MYO5B: variants seen among roughly 807,000 people sequenced by gnomAD.
MYO5B encodes the protein myosin VB.
In MYO5B, 143 loss-of-function variants were observed where a neutral mutation model predicts 229.3. That is an observed-to-expected ratio of 0.62 (90% confidence interval 0.54 to 0.72). The LOEUF (loss-of-function observed/expected upper bound fraction) is 0.72. Ranked by LOEUF, MYO5B falls within the 30% of genes least tolerant of loss-of-function variation. The pLI is 0.00. For missense variants in MYO5B, 2,321 were observed against 2,331.0 expected (o/e 1.00, Z 0.09); for synonymous variants, 918 against 885.2 (o/e 1.04, Z -0.66).
At chr18:49,878,701 G>A (rs1398562743) in intron 24 of MYO5B, among the ~76,000 whole-genome samples, 1 of 152,102 alleles carries the variant, frequency 6.6e-6, no homozygotes, top group African/African-American at 2.4e-5. Context: ...AACACACTTG[G>A]GTAGAATGTT....
chr18:49,882,370 C>A (rs1316836227), intron 22 of MYO5B, among the ~76,000 whole-genome samples: 6 of 134,066 alleles, frequency 4.5e-5, no homozygotes, highest in African/African-American at 1.7e-4. Flanking sequence ...TGGCTCACAC[C>A]TGCAATCCCA....
At chr18:50,112,034 T>C (rs2031873773) in intron 1 of MYO5B, among the ~76,000 whole-genome samples, 1 of 152,068 alleles carries the variant, frequency 6.6e-6, no homozygotes, top group African/African-American at 2.4e-5. Context: ...TACAGAGACA[T>C]CTGCTATGAA....
At position 50,130,560 on chromosome 18, in the gene MYO5B, C is replaced by G. The variant is rs569160856; in HGVS notation, c.27+64207G>C. 9.2e-5 allele frequency among the ~76,000 whole-genome samples: 14 copies of G among 152,246 alleles called. 1 individual carries two copies. The South Asian group carries it at 2.9e-3, about 32-fold the overall frequency. On this transcript the variant is annotated intron_variant, in intron 1 of 39. Transcript: ENST00000285039. ...CAAAAGGAGACAAGAAGAATGAGAACGAGCAATATCCACCCTACCTGAACT... is the reference window on the plus strand; with the variant it reads ...CAAAAGGAGACAAGAAGAATGAGAAGGAGCAATATCCACCCTACCTGAACT...
chr18:49,942,396 A>AACG (rs1555645742), intron 14 of MYO5B, among the ~76,000 whole-genome samples: 1 of 134,012 alleles, frequency 7.5e-6, no homozygotes, highest in African/African-American at 2.9e-5. Context: ...AAAAAAAAAA[A>AACG]AAAAAAAAAC....
intron 1 of MYO5B, among the ~76,000 whole-genome samples, chr18:50,139,708 C>T (rs968940031): frequency 3.3e-5 from 5 of 152,282 alleles, no homozygotes; most frequent in South Asian, 2.1e-4. Context: ...AGAATCCATG[C>T]TTTTCCCTTC....
At chr18:49,847,062 G>A (rs2024137355) in intron 33 of MYO5B, 84 bp downstream of exon 33, 1 of 1,561,002 alleles carries the variant, frequency 6.4e-7, no homozygotes, top group African/African-American at 1.4e-5. Flanking sequence ...GAAGGAAGGG[G>A]TGTGGGGGTT....
At chr18:49,879,217 A>G (rs1421026284) in intron 23 of MYO5B, 127 bp from the exon 24 acceptor site, 5 of 1,127,766 alleles carry the variant, frequency 4.4e-6, no homozygotes, top group Non-Finnish European at 6.6e-6. Context: ...CTCTTGATGA[A>G]TCTATTACGC....
At chr18:49,939,312 A>G (rs929481691) in intron 14 of MYO5B, among the ~76,000 whole-genome samples, 2 of 151,620 alleles carry the variant, frequency 1.3e-5, no homozygotes, top group African/African-American at 4.8e-5. Context: ...TGCCCAGCTA[A>G]TTTTTGTATT....
chr18:49,827,865 T>G (rs941907953), intron 39 of MYO5B, among the ~76,000 whole-genome samples: 1 of 151,756 alleles, frequency 6.6e-6, no homozygotes, highest in African/African-American at 2.4e-5. Context: ...AGATTCACAG[T>G]GAAACACATT....
intron 1 of MYO5B, among the ~76,000 whole-genome samples, chr18:50,192,940 C>T (rs1052674431): frequency 2.0e-5 from 3 of 152,172 alleles, no homozygotes; most frequent in Admixed American, 6.5e-5. Context: ...CTTTCCCCCT[C>T]ATATAATACA....
At chr18:49,987,633 C>T (rs897068601) in intron 7 of MYO5B, among the ~76,000 whole-genome samples, 1 of 152,114 alleles carries the variant, frequency 6.6e-6, no homozygotes, top group African/African-American at 2.4e-5. Context: ...CCACCAAGGC[C>T]ATGGTCATGG....
At chr18:50,082,556 C>T (rs940317635) in intron 1 of MYO5B, among the ~76,000 whole-genome samples, 9 of 152,198 alleles carry the variant, frequency 5.9e-5, no homozygotes, top group Admixed American at 2.6e-4. Context: ...ATAAAATATA[C>T]CAATGTCATC....
intron 5 of MYO5B, among the ~76,000 whole-genome samples, chr18:49,996,594 G>A (rs545197291): frequency 1.2e-4 from 19 of 152,244 alleles, no homozygotes; most frequent in South Asian, 6.2e-4. Flanking sequence ...CAATCTTTTC[G>A]ATGCATACAG....
rs529576991 is a variant in MYO5B, at chr18:50,085,436, G to A, written c.28-30058C>T. Among the ~76,000 whole-genome samples, 11 of 152,116 alleles carry A rather than the reference G, an allele frequency of 7.2e-5. No homozygotes were observed. In the South Asian group the frequency reaches 1.9e-3, roughly 26 times the overall value. On this transcript the variant is annotated intron_variant, in intron 1 of 39. Transcript: ENST00000285039. ...AACAACAGGTGCTGGAGAGGATGTGGAGAAATAGGAACACTTTTACACTGC... is the reference window on the plus strand; with the variant it reads ...AACAACAGGTGCTGGAGAGGATGTGAAGAAATAGGAACACTTTTACACTGC...
At chr18:50,109,307 G>T (rs73448748) in intron 1 of MYO5B, among the ~76,000 whole-genome samples, 7,043 of 152,246 alleles carry the variant, frequency 0.046, 176 homozygotes, top group African/African-American at 0.066. Context: ...CACCCAAGCC[G>T]GGAGACAAGA....
Position 49,853,641 on chromosome 18 carries a change from C to CA in MYO5B, c.4028dup (p.Glu1344GlyfsTer12). The stretch of plus-strand genomic sequence containing the variant: ...GGCTCTGGGCCTGCAGCTGAGCCTC[C>CA]AGCAGCCTGTGCCAGGGAGAGGACA... On this transcript the variant is annotated frameshift_variant, in exon 31 of 40. Transcript: ENST00000285039. LOFTEE classifies it high-confidence loss of function. The CA allele has an allele frequency of 6.2e-7, 1 of 1,612,600 alleles. No homozygotes were observed. Among genetic ancestry groups the CA allele is most frequent in the Non-Finnish European group, 8.5e-7 (1 of 1,179,884 alleles).
intron 1 of MYO5B, among the ~76,000 whole-genome samples, chr18:50,081,687 G>A (rs1280672337): frequency 6.6e-6 from 1 of 151,842 alleles, no homozygotes; most frequent in East Asian, 1.9e-4. Context: ...TATTATTTCT[G>A]GGAAAATTTT....
chr18:50,046,955 C>A (rs1283469171), intron 2 of MYO5B, among the ~76,000 whole-genome samples: 2 of 151,358 alleles, frequency 1.3e-5, no homozygotes, highest in Admixed American at 6.6e-5. Flanking sequence ...GGATTAAAGA[C>A]TTACATGTTA....
intron 39 of MYO5B, 42 bp from the exon 40 acceptor site, chr18:49,826,665 A>G (rs766089203): frequency 6.2e-7 from 1 of 1,608,806 alleles, no homozygotes; most frequent in African/African-American, 1.3e-5. Flanking sequence ...GAGTACCCCT[A>G]AAAATAGCCA....
Sources: allele counts gnomAD v4.1 joint callset (sites outside exome capture counted in the v4.1 genomes callset), GRCh38; gene constraint gnomAD v4.1.1; transcripts MANE v1.5; gene names NCBI Gene and HGNC (gene_info 2026-07-23, HGNC 2026-07-21).